Variants in MICAL3 observed in about 807,000 individuals in gnomAD.
MICAL3 encodes the protein [F-actin]-monooxygenase MICAL3.
MICAL3 carries 62 observed loss-of-function variants against 207.4 expected under a neutral mutation model. The observed-to-expected ratio is 0.30, with a 90% CI of 0.24 to 0.37. The LOEUF is 0.37. MICAL3 is among the 10% of genes least tolerant of loss of function. The probability of loss-of-function intolerance (pLI) is 1.00; values close to 1 mark genes in which losing one functional copy is unlikely to be tolerated. For missense variants in MICAL3, 2,368 were observed against 2,635.6 expected, an observed-to-expected ratio of 0.90 and a Z score of 2.22; for synonymous variants, 1,077 against 1,069.3, an observed-to-expected ratio of 1.01 and a Z score of -0.14.
intron 11 of MICAL3, among the ~76,000 whole-genome samples, chr22:17,892,927 C>T (rs1329820987): frequency 4.6e-5 from 7 of 152,206 alleles, no homozygotes; most frequent in African/African-American, 1.2e-4. Context: ...CCCTGCCCAT[C>T]GACTTCACCT....
chr22:17,845,369 T>C (rs1371033667), intron 19 of MICAL3, among the ~76,000 whole-genome samples: 1 of 152,144 alleles, frequency 6.6e-6, no homozygotes, highest in East Asian at 1.9e-4. Context: ...AGAATTCTAC[T>C]AGGACCACGG....
chr22:17,931,251 T>G (rs1933249861), intron 1 of MICAL3, among the ~76,000 whole-genome samples: 1 of 152,226 alleles, frequency 6.6e-6, no homozygotes, highest in African/African-American at 2.4e-5. Context: ...AGTTGCACAC[T>G]CAAGCTTTGT....
intron 29 of MICAL3, among the ~76,000 whole-genome samples, chr22:17,807,254 G>A (rs992008730): frequency 3.5e-4 from 53 of 152,246 alleles, no homozygotes; most frequent in Non-Finnish European, 6.6e-4. Context: ...AGGCCCGGAC[G>A]CAGTCGGGCA....
At chr22:17,996,772 C>T (rs1036612490) in intron 1 of MICAL3, among the ~76,000 whole-genome samples, 34 of 152,264 alleles carry the variant, frequency 2.2e-4, no homozygotes, top group African/African-American at 7.2e-4. Flanking sequence ...ATCCCCACCA[C>T]GCCCACAATG....
At chr22:17,890,632 T>C (rs1472319628) in intron 12 of MICAL3, among the ~76,000 whole-genome samples, 1 of 152,262 alleles carries the variant, frequency 6.6e-6, no homozygotes, top group Middle Eastern at 3.2e-3. Flanking sequence ...TTACCAGCTC[T>C]TGCCTTGTCA....
intron 16 of MICAL3, among the ~76,000 whole-genome samples, chr22:17,879,733 GGA>G (rs1214604008): frequency 6.6e-6 from 1 of 152,178 alleles, no homozygotes; most frequent in Non-Finnish European, 1.5e-5. Context: ...AGGTTTAGAA[GGA>G]GAGGCAGGTT....
At chr22:17,927,972 C>T (rs999811678) in intron 1 of MICAL3, among the ~76,000 whole-genome samples, 1 of 152,148 alleles carries the variant, frequency 6.6e-6, no homozygotes, top group Non-Finnish European at 1.5e-5. Flanking sequence ...ACACTCAGAT[C>T]TTTGGGGAGT....
intron 17 of MICAL3, 28 bp downstream of exon 17, chr22:17,871,809 G>A: frequency 1.9e-6 from 3 of 1,570,996 alleles, no homozygotes; most frequent in Non-Finnish European, 2.6e-6. Context: ...CAGTTTCTCA[G>A]TGGGGCCGGA....
intron 21 of MICAL3, among the ~76,000 whole-genome samples, chr22:17,830,285 A>G (rs1222847119): frequency 6.6e-6 from 1 of 152,108 alleles, no homozygotes; most frequent in African/African-American, 2.4e-5. Flanking sequence ...CCCGACAGAC[A>G]CACCTGCGCT....
rs567756892 is a variant in MICAL3 at position 17,852,345 on chromosome 22, T to G, written c.2606-10328A>C. 1.2e-4 allele frequency among the ~76,000 whole-genome samples: 19 copies of G among 152,320 alleles called. No individual in the cohort carries two copies. The East Asian group carries it at 2.5e-3, about 20-fold the overall frequency. ...CTGTTTTCACCTGTCAGAGGGCCAC[T>G]GAGGCTGGCCTGGAAGAGAAACATC... On this transcript the variant is annotated intron_variant, in intron 19 of 31. Coordinates refer to ENST00000441493, the MANE Select transcript of MICAL3 (RefSeq NM_015241.3).
chr22:17,947,973 A>T (rs575160815), intron 1 of MICAL3, among the ~76,000 whole-genome samples: 195 of 138,308 alleles, frequency 1.4e-3, no homozygotes, highest in Middle Eastern at 3.5e-3. Context: ...GCAAAAGTTT[A>T]AAAAAAAAAA....
intron 1 of MICAL3, among the ~76,000 whole-genome samples, chr22:17,978,448 G>C (rs924053238): frequency 6.6e-6 from 1 of 152,020 alleles, no homozygotes; most frequent in African/African-American, 2.4e-5. Context: ...TGATAAAAAT[G>C]TTCTATAATT....
chr22:17,858,592 TAA>T (rs1329094450), intron 19 of MICAL3: 18 of 388,358 alleles, frequency 4.6e-5, no homozygotes, highest in Non-Finnish European at 6.0e-5. Context: ...AGCATGAAAA[TAA>T]GAGTGGCCCA....
At chr22:17,865,016 G>T in intron 18 of MICAL3, 30 bp from the exon 19 acceptor site, 1 of 1,580,804 alleles carries the variant, frequency 6.3e-7, no homozygotes, top group South Asian at 1.1e-5. Flanking sequence ...AAAGAAGAGT[G>T]ACTCTGACTG....
chr22:18,003,182 T>G (rs1263158115), intron 1 of MICAL3, among the ~76,000 whole-genome samples: 1 of 151,980 alleles, frequency 6.6e-6, no homozygotes, highest in East Asian at 1.9e-4. Context: ...AAAAGAACTT[T>G]AGTTGAAAGT....
chr22:17,916,658 C>G (rs1388778135), intron 1 of MICAL3, among the ~76,000 whole-genome samples: 1 of 152,190 alleles, frequency 6.6e-6, no homozygotes, highest in East Asian at 1.9e-4. Flanking sequence ...TCACAGCTCA[C>G]TACCGTCTGC....
chr22:17,820,863 TAA>T (rs1921519725), intron 25 of MICAL3, among the ~76,000 whole-genome samples: 2 of 137,336 alleles, frequency 1.5e-5, no homozygotes. Flanking sequence ...TTTGTTCTAA[TAA>T]ATTTTAATAA....
At chr22:17,915,984 G>A (rs1473885259) in intron 1 of MICAL3, among the ~76,000 whole-genome samples, 1 of 144,972 alleles carries the variant, frequency 6.9e-6, no homozygotes, top group African/African-American at 2.5e-5. Context: ...AGCTACCCAG[G>A]AGGTCGAGGC....
chr22:17,848,411 G>A (rs375853369), intron 19 of MICAL3, among the ~76,000 whole-genome samples: 3 of 152,186 alleles, frequency 2.0e-5, no homozygotes, highest in African/African-American at 4.8e-5. Context: ...CGAAACATTC[G>A]GAACCATGTC....
Sources: gnomAD v4.1 joint callset for allele counts (sites outside exome capture counted in the v4.1 genomes callset) on GRCh38, gnomAD v4.1.1 for gene constraint, MANE v1.5 for transcripts, NCBI Gene and HGNC (gene_info 2026-07-23, HGNC 2026-07-21) for gene names.